SH3BGR: variants seen among roughly 807,000 people sequenced by gnomAD.
SH3BGR encodes the protein SH3 domain-binding glutamic acid-rich protein.
Under a neutral mutation model 24.5 loss-of-function variants are expected in SH3BGR, and 29 were observed. The observed-to-expected ratio is 1.18, with a 90% CI of 0.88 to 1.61. The LOEUF is 1.61. Among genes scored for constraint, SH3BGR ranks in the 40% most tolerant of loss-of-function variants. The pLI, the probability that SH3BGR is intolerant of heterozygous loss-of-function variation, is 0.00. For synonymous variants in SH3BGR, 55 were observed against 65.7 expected (o/e 0.84, Z 0.79); for missense variants, 162 against 205.8 (o/e 0.79, Z 1.30).
At chr21:39,509,096 T>G in intron 5 of SH3BGR, 69 bp downstream of exon 5, 7 of 1,326,486 alleles carry the variant, frequency 5.3e-6, no homozygotes, top group Non-Finnish European at 7.5e-6. Flanking sequence ...GTGGGAGGAT[T>G]GCAGCTTGAG....
chr21:39,463,680 A>G (rs2077793612), intron 2 of SH3BGR, among the ~76,000 whole-genome samples: 1 of 152,152 alleles, frequency 6.6e-6, no homozygotes, highest in Non-Finnish European at 1.5e-5. Context: ...ACACTCATTC[A>G]TTTACCTATT....
intron 4 of SH3BGR, among the ~76,000 whole-genome samples, chr21:39,503,250 A>G (rs536112889): frequency 1.8e-4 from 28 of 152,346 alleles, no homozygotes; most frequent in Admixed American, 3.9e-4. Flanking sequence ...TTATTCTGAA[A>G]TAACTATAGA....
intron 3 of SH3BGR, among the ~76,000 whole-genome samples, chr21:39,476,228 A>G (rs910354051): frequency 6.6e-6 from 1 of 152,136 alleles, no homozygotes; most frequent in Middle Eastern, 3.2e-3. Flanking sequence ...GTGTGGCGTC[A>G]TGGAAGCCCA....
chr21:39,510,753 A>G (rs893383755), intron 5 of SH3BGR, among the ~76,000 whole-genome samples: 1 of 151,416 alleles, frequency 6.6e-6, no homozygotes, highest in Non-Finnish European at 1.5e-5. Context: ...ACATATTGTT[A>G]ATTTGGAAGA....
At chr21:39,463,842 T>A (rs954179547) in intron 2 of SH3BGR, among the ~76,000 whole-genome samples, 1 of 152,176 alleles carries the variant, frequency 6.6e-6, no homozygotes, top group Admixed American at 6.5e-5. Flanking sequence ...GTTGGGGGCT[T>A]GTATTAGCTT....
intron 3 of SH3BGR, among the ~76,000 whole-genome samples, chr21:39,489,231 A>T (rs537185618): frequency 6.6e-6 from 1 of 152,334 alleles, no homozygotes; most frequent in African/African-American, 2.4e-5. Context: ...CCAGTTGGAG[A>T]TGCTGCTGCA....
intron 1 of SH3BGR, 25 bp from the exon 2 acceptor site, chr21:39,462,350 C>A: frequency 2.6e-6 from 4 of 1,555,750 alleles, no homozygotes; most frequent in Non-Finnish European, 3.5e-6. Flanking sequence ...CATAAACAGC[C>A]TAATATTTCT....
intron 3 of SH3BGR, among the ~76,000 whole-genome samples, chr21:39,488,965 A>G (rs1198634629): frequency 6.6e-6 from 1 of 152,194 alleles, no homozygotes; most frequent in Non-Finnish European, 1.5e-5. Context: ...CCCCAACCCA[A>G]AACCCTCAAA....
chr21:39,462,641 C>T, intron 2 of SH3BGR, 81 bp downstream of exon 2: 2 of 998,528 alleles, frequency 2.0e-6, no homozygotes, highest in Non-Finnish European at 1.4e-6. Flanking sequence ...TTTGAGTCAG[C>T]ATTTGAAATT....
intron 1 of SH3BGR, among the ~76,000 whole-genome samples, chr21:39,459,469 C>T (rs905228565): frequency 2.6e-5 from 4 of 152,174 alleles, no homozygotes; most frequent in African/African-American, 9.7e-5. Context: ...GTGATCCGTC[C>T]ACCTTGGCCT....
rs951005215 is a variant in SH3BGR at position 39,511,988 on chromosome 21, C to T, written c.*34+179C>T. Among the ~76,000 whole-genome samples the T allele has an allele frequency of 5.3e-5, 8 of 152,196 alleles. No individual in the cohort carries two copies. Among genetic ancestry groups the T allele is most frequent in the Non-Finnish European group, 1.0e-4 (7 of 68,044 alleles). ...CCAGCTCCTTTCTAGAGCTGCGGGG[C>T]TGCTGACCTTTCGTGGGTCTGTTTC... On this transcript the variant is annotated intron_variant, in intron 6 of 6. Coordinates refer to ENST00000333634, the MANE Select transcript of SH3BGR (RefSeq NM_007341.3). The surrounding 1 kb of genome is among the most constrained non-coding windows in gnomAD (Gnocchi z 4.2).
intron 2 of SH3BGR, among the ~76,000 whole-genome samples, chr21:39,468,922 A>G (rs2077888649): frequency 6.6e-6 from 1 of 151,896 alleles, no homozygotes; most frequent in South Asian, 2.1e-4. Context: ...GAAATGTTTC[A>G]ATTTCCTTAA....
chr21:39,501,770 A>C (rs1490788940), intron 4 of SH3BGR, among the ~76,000 whole-genome samples: 1 of 152,234 alleles, frequency 6.6e-6, no homozygotes, highest in African/African-American at 2.4e-5. Context: ...AAATAGGCTG[A>C]ATTTTAAAAT....
chr21:39,453,028 C>CT (rs1407868743), intron 1 of SH3BGR, among the ~76,000 whole-genome samples: 3 of 152,118 alleles, frequency 2.0e-5, no homozygotes, highest in African/African-American at 7.2e-5. Context: ...GCGGCTGTTC[C>CT]TTTTATATCT....
chr21:39,460,410 A>G (rs1023902430), intron 1 of SH3BGR, among the ~76,000 whole-genome samples: 4 of 152,046 alleles, frequency 2.6e-5, no homozygotes, highest in African/African-American at 9.7e-5. Context: ...TAGTGTGGGT[A>G]TACTTGATAT....
intron 5 of SH3BGR, 104 bp downstream of exon 5, chr21:39,509,131 G>A: frequency 1.2e-6 from 1 of 856,654 alleles, no homozygotes; most frequent in Non-Finnish European, 1.9e-6. Context: ...ACATAAGAGA[G>A]CGATGCAACC....
At chr21:39,477,459 AT>A (rs1446711977) in intron 3 of SH3BGR, among the ~76,000 whole-genome samples, 1 of 152,120 alleles carries the variant, frequency 6.6e-6, no homozygotes, top group Non-Finnish European at 1.5e-5. Flanking sequence ...CTATGCTTAT[AT>A]TTTTGAACCT....
intron 3 of SH3BGR, among the ~76,000 whole-genome samples, chr21:39,492,443 GGTGTGTGTGTGTGT>G (rs1164205385): frequency 7.3e-6 from 1 of 136,554 alleles, no homozygotes; most frequent in African/African-American, 2.8e-5. Context: ...AGTTTCCCTT[GGTGTGTGTGTGTGT>G]GTGTGTGTGT....
chr21:39,451,035 G>T (rs2077568540), upstream of SH3BGR, among the ~76,000 whole-genome samples: 1 of 152,040 alleles, frequency 6.6e-6, no homozygotes, highest in Non-Finnish European at 1.5e-5. Flanking sequence ...TACCCAGACT[G>T]GTCTTGAACT....
Sources: gnomAD v4.1 joint callset for allele counts (sites outside exome capture counted in the v4.1 genomes callset) on GRCh38, gnomAD v4.1.1 for gene constraint, Gnocchi (gnomAD v3.1) non-coding constraint, MANE v1.5 for transcripts, NCBI Gene and HGNC (gene_info 2026-07-23, HGNC 2026-07-21) for gene names.